Variants in CRTC3 observed in about 807,000 individuals in gnomAD.
CRTC3 encodes CREB regulated transcription coactivator 3, also known as CREB-regulated transcription coactivator 3.
Under a neutral mutation model 74.5 loss-of-function variants are expected in CRTC3, and 26 were observed. That is an observed-to-expected ratio of 0.35 (90% CI 0.26 to 0.48). The LOEUF (loss-of-function observed/expected upper bound fraction) is 0.48. Ranked by LOEUF, CRTC3 falls within the 20% of genes least tolerant of loss-of-function variation. The pLI, the probability that CRTC3 is intolerant of heterozygous loss-of-function variation, is 0.99. For missense variants in CRTC3, 760 were observed against 787.3 expected, an observed-to-expected ratio of 0.97 and a Z score of 0.41; for synonymous variants, 377 against 325.8, an observed-to-expected ratio of 1.16 and a Z score of -1.69.
rs1969460326 is a variant in CRTC3 at position 90,641,924 on chromosome 15, C to T, written c.1652-8C>T. 1 of 1,612,616 alleles carries T rather than the reference C, an allele frequency of 6.2e-7. No homozygotes were observed. The highest frequency in any genetic ancestry group is 1.3e-5 in the African/African-American group (1 of 74,888). ...CGCACTGTTTTCCCCTCTGGCCACTCCTTTCAGAAGACTCCAGCACCAGCC... is the reference window on the plus strand; with the variant it reads ...CGCACTGTTTTCCCCTCTGGCCACTTCTTTCAGAAGACTCCAGCACCAGCC... On this transcript the variant is annotated splice_polypyrimidine_tract_variant and splice_region_variant and intron_variant, in intron 14 of 14. Transcript: ENST00000268184.
chr15:90,642,343 G>A lies in CRTC3; in HGVS notation c.*203G>A, dbSNP rs1969480261. 1.7e-6 allele frequency: 1 copy of A among 579,756 alleles called. No individual in the cohort carries two copies. 35.9% of individuals were successfully genotyped at this position (579,756 alleles called of 1,614,324 possible). A position where few individuals can be genotyped will look rare whatever the true frequency, so the allele number is the denominator to read the frequency against. On this transcript the variant is annotated 3_prime_UTR_variant, in exon 15 of 15. Coordinates refer to ENST00000268184, the MANE Select transcript of CRTC3 (RefSeq NM_022769.5). ...CAGCTTTGTACTGCCTCTCCCGCCT[G>A]TGGCCAAAGTCGTGTTGCAGCAGGC...
intron 2 of CRTC3, among the ~76,000 whole-genome samples, chr15:90,568,959 G>A (rs927557102): frequency 6.6e-6 from 1 of 151,558 alleles, no homozygotes; most frequent in Admixed American, 6.6e-5. Context: ...ACACTTAATA[G>A]ACTACAGTAT....
In CRTC3 at chr15:90,642,100, A is replaced by G. The variant is rs1192096256; in HGVS notation, c.1820A>G (p.Asp607Gly). The change falls in exon 15 of 15, where the codon GAC becomes GGC. Residue 607 changes from aspartate (D) to glycine (G), a missense_variant. By Grantham distance (94) the Asp-to-Gly change is moderately conservative (BLOSUM62 -1). This residue lies in a region of CRTC3 where 652 missense variants were observed against 635.2 expected (regional missense o/e 1.03). Coordinates refer to ENST00000268184, the MANE Select transcript of CRTC3 (RefSeq NM_022769.5). The part of the protein sequence containing the change: ...MLSDSSMGLL[D>G]PSVEETFRAD... ...AGTGACTCCAGCATGGGCCTGCTGG[A>G]CCCCTCTGTTGAAGAGACGTTTCGA... 1 of 1,613,732 alleles carries G rather than the reference A, an allele frequency of 6.2e-7. No homozygotes were observed. Among genetic ancestry groups the G allele is most frequent in the Non-Finnish European group, 8.5e-7 (1 of 1,180,008 alleles).
At chr15:90,550,051 A>G (rs1966851925) in intron 2 of CRTC3, among the ~76,000 whole-genome samples, 1 of 151,608 alleles carries the variant, frequency 6.6e-6, no homozygotes, top group Admixed American at 6.6e-5. Context: ...TTTCAAACAG[A>G]TTACACTCAT....
intron 2 of CRTC3, among the ~76,000 whole-genome samples, chr15:90,544,758 G>T (rs1419246608): frequency 1.3e-5 from 2 of 152,216 alleles, no homozygotes; most frequent in African/African-American, 4.8e-5. Flanking sequence ...GTGCATGAGA[G>T]TTCCAGCGAC....
At chr15:90,615,337 G>C (rs1968465383) in intron 7 of CRTC3, among the ~76,000 whole-genome samples, 1 of 152,104 alleles carries the variant, frequency 6.6e-6, no homozygotes, top group African/African-American at 2.4e-5. Context: ...ACCAGGGACT[G>C]TTTTCTTTTC....
intron 9 of CRTC3, among the ~76,000 whole-genome samples, chr15:90,622,248 G>C (rs1004331279): frequency 6.6e-6 from 1 of 152,168 alleles, no homozygotes; most frequent in South Asian, 2.1e-4. Flanking sequence ...TGGTGACTCC[G>C]TTAGGTAGTA....
At chr15:90,622,321 C>CACAGG (rs1298220385) in intron 9 of CRTC3, among the ~76,000 whole-genome samples, 7 of 152,186 alleles carry the variant, frequency 4.6e-5, no homozygotes, top group African/African-American at 1.7e-4. Context: ...GTGAACGTTA[C>CACAGG]TAATGACCTG....
At chr15:90,578,706 C>G (rs2087719985) in intron 2 of CRTC3, among the ~76,000 whole-genome samples, 1 of 152,110 alleles carries the variant, frequency 6.6e-6, no homozygotes, top group Non-Finnish European at 1.5e-5. Context: ...AGCAAAAAAT[C>G]TGGTATCGAT....
chr15:90,549,993 C>T (rs545271355), intron 2 of CRTC3, among the ~76,000 whole-genome samples: 96 of 151,430 alleles, frequency 6.3e-4, no homozygotes, highest in African/African-American at 2.1e-3. Flanking sequence ...CGTGAGCCAC[C>T]ACACCTGGCC....
chr15:90,606,790 C>T (rs910727376), intron 5 of CRTC3: 1 of 152,202 alleles, frequency 6.6e-6, no homozygotes, highest in Admixed American at 6.5e-5. Flanking sequence ...TTACAAATCC[C>T]TCCAAGGCAG....
intron 9 of CRTC3, among the ~76,000 whole-genome samples, chr15:90,623,388 A>T (rs1358689829): frequency 2.0e-5 from 3 of 152,140 alleles, no homozygotes; most frequent in African/African-American, 7.2e-5. Context: ...GCAGAAACTC[A>T]AAGCCAAAAT....
Position 90,638,491 on chromosome 15 carries a change from G to A in CRTC3, c.1312G>A (p.Ala438Thr), listed in dbSNP as rs202012479. ...RSQLSFLPTE[A>T]QAQVSPPPPY... The stretch of plus-strand genomic sequence containing the variant: ...CCAACTTTCCTTTCTGCCCACAGAA[G>A]CTCAAGCCCAGGTGTCGCCGCCACC... The change falls in exon 12 of 15, where the codon GCT becomes ACT. Residue 438 changes from alanine (A) to threonine (T), a missense_variant. Coordinates refer to ENST00000268184, the MANE Select transcript of CRTC3 (RefSeq NM_022769.5). 1 of 1,614,062 alleles carries A rather than the reference G, an allele frequency of 6.2e-7. No homozygotes were observed. Among genetic ancestry groups the A allele is most frequent in the Non-Finnish European group, 8.5e-7 (1 of 1,180,024 alleles).
intron 2 of CRTC3, among the ~76,000 whole-genome samples, chr15:90,555,060 T>A (rs1355102947): frequency 6.6e-6 from 1 of 152,104 alleles, no homozygotes; most frequent in Non-Finnish European, 1.5e-5. Context: ...GGGTGGGGGA[T>A]GCACATGTGA....
chr15:90,545,577 T>C (rs957327639), intron 2 of CRTC3, among the ~76,000 whole-genome samples: 6 of 135,246 alleles, frequency 4.4e-5, no homozygotes, highest in South Asian at 2.3e-4. Flanking sequence ...TTTTTGTTTG[T>C]TTTTTTTTTT....
chr15:90,601,421 G>T (rs1968066285), intron 3 of CRTC3, among the ~76,000 whole-genome samples: 1 of 152,134 alleles, frequency 6.6e-6, no homozygotes, highest in African/African-American at 2.4e-5. Context: ...AGGCCGAGGT[G>T]GGTGGATCAC....
intron 1 of CRTC3, among the ~76,000 whole-genome samples, chr15:90,533,079 C>A (rs1183084255): frequency 1.7e-5 from 1 of 58,820 alleles, no homozygotes; most frequent in African/African-American, 7.5e-5. Context: ...AGCAAGACTT[C>A]ATCTCAAAAA....
intron 4 of CRTC3, among the ~76,000 whole-genome samples, 158 bp downstream of exon 4, chr15:90,602,543 C>T (rs1968096479): frequency 6.6e-6 from 1 of 152,140 alleles, no homozygotes; most frequent in African/African-American, 2.4e-5. Context: ...TCACTTGAGA[C>T]CAGGAGTTTT....
intron 2 of CRTC3, among the ~76,000 whole-genome samples, chr15:90,543,656 T>G (rs563343489): frequency 6.6e-6 from 1 of 152,262 alleles, no homozygotes; most frequent in South Asian, 2.1e-4. Flanking sequence ...GGAGCCCTCT[T>G]CCGAACTGAG....
Sources: gnomAD v4.1 joint callset for allele counts (sites outside exome capture counted in the v4.1 genomes callset) on GRCh38, gnomAD v4.1.1 for gene constraint, gnomAD v4.1.1 regional missense constraint, MANE v1.5 for transcripts, NCBI Gene and HGNC (gene_info 2026-07-23, HGNC 2026-07-21) for gene names.